The following KCNH7 variants were observed in gnomAD, a reference collection of about 807,000 sequenced individuals.
KCNH7 encodes the protein potassium voltage-gated channel subfamily H member 7, also known as voltage-gated inwardly rectifying potassium channel KCNH7.
In KCNH7, 49 loss-of-function variants were observed where a neutral mutation model predicts 120.8. The ratio of observed to expected loss-of-function variants is 0.41; its 90% CI spans 0.32 to 0.51. KCNH7 has a LOEUF of 0.51. Ranked by LOEUF, KCNH7 falls within the 20% of genes least tolerant of loss-of-function variation. The pLI is 0.38. For missense variants in KCNH7, 1,097 were observed against 1,446.6 expected, an observed-to-expected ratio of 0.76 and a Z score of 3.92; for synonymous variants, 547 against 516.1, an observed-to-expected ratio of 1.06 and a Z score of -0.81.
At chr2:162,658,099 CAAG>C (rs991402543) in intron 2 of KCNH7, among the ~76,000 whole-genome samples, 2 of 151,172 alleles carry the variant, frequency 1.3e-5, no homozygotes, top group African/African-American at 4.9e-5. Context: ...TGGGAGCACA[CAAG>C]AAGAAGACGG....
rs186362732 is a variant in KCNH7 at position 162,584,370 on chromosome 2, C to T, written c.308-47290G>A. On this transcript the variant is annotated intron_variant, in intron 2 of 15. Transcript: ENST00000332142. Reference sequence around the variant, plus strand: ...TAATTATTATAGAGCATTATCTAATCCCCAAGAATATGTCCTTGAACTTTC... The same window carrying T: ...TAATTATTATAGAGCATTATCTAATTCCCAAGAATATGTCCTTGAACTTTC... Among the ~76,000 whole-genome samples the T allele has an allele frequency of 6.0e-3, 917 of 152,164 alleles. 14 individuals are homozygous for T. The highest frequency in any genetic ancestry group is 0.021 in the African/African-American group (856 of 41,540).
intron 2 of KCNH7, among the ~76,000 whole-genome samples, chr2:162,654,514 G>A (rs775364178): frequency 6.6e-6 from 1 of 152,020 alleles, no homozygotes; most frequent in African/African-American, 2.4e-5. Flanking sequence ...TGGTAAGAAT[G>A]GGGAGAAAAG....
At chr2:162,486,816 T>G (rs865996870) in intron 6 of KCNH7, among the ~76,000 whole-genome samples, 2 of 152,130 alleles carry the variant, frequency 1.3e-5, no homozygotes, top group Non-Finnish European at 2.9e-5. Context: ...TAAAAATGGG[T>G]TCTGTCATGA....
At chr2:162,814,711 A>T (rs1381512754) in intron 2 of KCNH7, among the ~76,000 whole-genome samples, 1 of 152,182 alleles carries the variant, frequency 6.6e-6, no homozygotes, top group Non-Finnish European at 1.5e-5. Context: ...CACACCGAAG[A>T]ACTCATCCTT....
At chr2:162,388,203 TAAAG>T (rs981782194) in intron 12 of KCNH7, among the ~76,000 whole-genome samples, 18 of 151,714 alleles carry the variant, frequency 1.2e-4, no homozygotes, top group Non-Finnish European at 1.0e-4. Context: ...AAAATTAAAA[TAAAG>T]AAAAGATGGA....
intron 5 of KCNH7, among the ~76,000 whole-genome samples, chr2:162,509,154 T>C (rs1410845227): frequency 6.6e-6 from 1 of 151,532 alleles, no homozygotes; most frequent in African/African-American, 2.4e-5. Context: ...GACATGAAGC[T>C]AGAGGCTAAA....
At chr2:162,452,477 A>G (rs957036152) in intron 6 of KCNH7, among the ~76,000 whole-genome samples, 2 of 152,068 alleles carry the variant, frequency 1.3e-5, no homozygotes, top group African/African-American at 4.8e-5. Context: ...TCTAGTTCAT[A>G]TTATGTAGAT....
chr2:162,771,293 C>A (rs1468101586), intron 2 of KCNH7, among the ~76,000 whole-genome samples: 1 of 152,102 alleles, frequency 6.6e-6, no homozygotes, highest in Non-Finnish European at 1.5e-5. Flanking sequence ...ATTTTCATTG[C>A]TCTTATGAAA....
In KCNH7 at chr2:162,650,638, G is replaced by T. The variant is rs528625305; in HGVS notation, c.308-113558C>A. Among the ~76,000 whole-genome samples, 16 of 152,172 alleles carry T rather than the reference G, an allele frequency of 1.1e-4. 1 individual carries two copies. In the South Asian group the frequency reaches 1.2e-3, roughly 12 times the overall value. ...TGAAAAGGTTAAATTCTCCTGTCAGGTACTCTCGCAGCACTGGGTAATTCT... is the reference window on the plus strand; with the variant it reads ...TGAAAAGGTTAAATTCTCCTGTCAGTTACTCTCGCAGCACTGGGTAATTCT... On this transcript the variant is annotated intron_variant, in intron 2 of 15. Transcript: ENST00000332142.
intron 2 of KCNH7, among the ~76,000 whole-genome samples, chr2:162,641,733 T>C (rs1053593593): frequency 7.7e-5 from 11 of 142,818 alleles, no homozygotes; most frequent in Admixed American, 3.6e-4. Context: ...TCAATGATAA[T>C]ATTCTGGGTG....
At chr2:162,579,564 G>A (rs1693806043) in intron 2 of KCNH7, among the ~76,000 whole-genome samples, 1 of 152,044 alleles carries the variant, frequency 6.6e-6, no homozygotes, top group Non-Finnish European at 1.5e-5. Context: ...ACAAAAACCT[G>A]TAGGGCCTCT....
intron 2 of KCNH7, among the ~76,000 whole-genome samples, chr2:162,641,317 C>T (rs982113258): frequency 6.6e-6 from 1 of 152,106 alleles, no homozygotes; most frequent in African/African-American, 2.4e-5. Flanking sequence ...TGGAATACTA[C>T]TCAACAATAA....
intron 6 of KCNH7, among the ~76,000 whole-genome samples, chr2:162,485,008 C>A (rs531341920): frequency 6.6e-6 from 1 of 152,088 alleles, no homozygotes; most frequent in South Asian, 2.1e-4. Flanking sequence ...TAGAGCCACA[C>A]GAAACAGATT....
chr2:162,618,355 TG>T (rs1247525535), intron 2 of KCNH7, among the ~76,000 whole-genome samples: 1 of 152,052 alleles, frequency 6.6e-6, no homozygotes, highest in Non-Finnish European at 1.5e-5. Context: ...TGGTAATCCT[TG>T]ATACTGAATT....
intron 2 of KCNH7, among the ~76,000 whole-genome samples, chr2:162,752,946 AAGAAAAG>A (rs1688630342): frequency 1.9e-5 from 2 of 105,024 alleles, no homozygotes; most frequent in Non-Finnish European, 3.4e-5. Context: ...AAGAAAAGAA[AAGAAAAG>A]AAAAGAAAAG....
At chr2:162,466,200 G>A (rs1458428674) in intron 6 of KCNH7, among the ~76,000 whole-genome samples, 1 of 152,054 alleles carries the variant, frequency 6.6e-6, no homozygotes, top group Admixed American at 6.6e-5. Flanking sequence ...ATGTGTTAGG[G>A]AACCCTTGCC....
At chr2:162,584,994 T>C (rs1693982603) in intron 2 of KCNH7, among the ~76,000 whole-genome samples, 1 of 150,672 alleles carries the variant, frequency 6.6e-6, no homozygotes, top group Non-Finnish European at 1.5e-5. Context: ...TTTATGAAAA[T>C]GCTTTGTAAA....
intron 2 of KCNH7, among the ~76,000 whole-genome samples, chr2:162,754,832 G>A (rs1241209264): frequency 2.6e-5 from 4 of 152,144 alleles, no homozygotes; most frequent in African/African-American, 9.7e-5. Flanking sequence ...CAAACTTTTG[G>A]AGACTGTTGA....
chr2:162,442,458 T>C (rs1688454624), intron 7 of KCNH7, among the ~76,000 whole-genome samples: 1 of 152,184 alleles, frequency 6.6e-6, no homozygotes, highest in Non-Finnish European at 1.5e-5. Context: ...AATAAAAGTG[T>C]TACAGTATCT....
Sources: allele counts gnomAD v4.1 joint callset (sites outside exome capture counted in the v4.1 genomes callset), GRCh38; gene constraint gnomAD v4.1.1; transcripts MANE v1.5; gene names NCBI Gene and HGNC (gene_info 2026-07-23, HGNC 2026-07-21).